The following ARHGAP29 variants were observed in gnomAD, a reference collection of about 807,000 sequenced individuals.
The protein encoded by ARHGAP29 is Rho GTPase activating protein 29, also known as rho GTPase-activating protein 29.
Under a neutral mutation model 122.6 loss-of-function variants are expected in ARHGAP29, and 43 were observed. That is an observed-to-expected ratio of 0.35 (90% CI 0.27 to 0.45). The LOEUF (loss-of-function observed/expected upper bound fraction) is 0.45, where lower values mean the gene tolerates loss of function less well. Among genes scored for constraint, ARHGAP29 ranks in the 20% least tolerant of loss-of-function variants. ARHGAP29 has a pLI of 1.00. For synonymous variants in ARHGAP29, 506 were observed against 497.1 expected (o/e 1.02, Z -0.24); for missense variants, 1,303 against 1,477.2 (o/e 0.88, Z 1.93).
the ARHGAP29 span, among the ~76,000 whole-genome samples, chr1:94,305,981 C>T: frequency 5.9e-5 from 9 of 152,210 alleles, no homozygotes; most frequent in African/African-American, 1.9e-4. Context: ...ACTGGAACAA[C>T]AACTCATTTA....
chr1:94,195,470 T>C (rs1027839131), intron 12 of ARHGAP29: 70 of 152,248 alleles, frequency 4.6e-4, no homozygotes, highest in African/African-American at 1.6e-3. Flanking sequence ...CACAGATGTG[T>C]GCAACCAATT....
chr1:94,261,661 C>T (rs187916805), intron 1 of ARHGAP29, among the ~76,000 whole-genome samples: 1 of 152,158 alleles, frequency 6.6e-6, no homozygotes, highest in Admixed American at 6.5e-5. Flanking sequence ...ACAATTGCCA[C>T]AAAAATAATA....
intron 1 of ARHGAP29, among the ~76,000 whole-genome samples, chr1:94,235,624 G>GA (rs1483600247): frequency 2.0e-5 from 3 of 152,198 alleles, no homozygotes; most frequent in Non-Finnish European, 4.4e-5. Flanking sequence ...GCTTCCAAGT[G>GA]AAATTTGAAC....
chr1:94,186,500 A>G lies in ARHGAP29; in HGVS notation c.1779T>C (p.Thr593=). 6.2e-7 allele frequency: 1 copy of G among 1,610,148 alleles called. No homozygotes were observed. Among genetic ancestry groups the G allele is most frequent in the Non-Finnish European group, 8.5e-7 (1 of 1,176,576 alleles). ...DEREPPSPSE[T]GPNSLGTFKK... ...ACTTAATTCAGGTAAATACAATACC[A>G]GTTTCTGAAGGGGAAGGTGGCTCTC... Residue 593 remains threonine (T), a splice_region_variant and synonymous_variant, in exon 16 of 23, where the codon ACT becomes ACC. Coordinates refer to ENST00000260526, the MANE Select transcript of ARHGAP29 (RefSeq NM_004815.4).
In ARHGAP29 at chr1:94,172,433, C is replaced by T. The variant is rs927203282; in HGVS notation, c.*1436G>A. The T allele has an allele frequency of 1.3e-5, 2 of 152,018 alleles. No individual in the cohort carries two copies. Among genetic ancestry groups the T allele is most frequent in the African/African-American group, 4.8e-5 (2 of 41,382 alleles). The allele number at this position is 152,018 out of a possible 1,614,324, so 9.4% of individuals were successfully genotyped here. ...AAGGGCTGGTTATTGCTCCCTAGAC[C>T]TTTACATCACATAGAACTATAAAAC... On this transcript the variant is annotated 3_prime_UTR_variant, in exon 23 of 23. Coordinates refer to ENST00000260526, the MANE Select transcript of ARHGAP29 (RefSeq NM_004815.4).
chr1:94,281,083 A>G, the ARHGAP29 span, among the ~76,000 whole-genome samples: 2 of 152,186 alleles, frequency 1.3e-5, no homozygotes. Context: ...GTGTTCTGTT[A>G]TGATTATTAG....
intron 12 of ARHGAP29, chr1:94,195,989 C>T (rs1466655103): frequency 6.6e-6 from 1 of 152,062 alleles, no homozygotes; most frequent in Admixed American, 6.6e-5. Flanking sequence ...CTTCAAAATA[C>T]ATAAAACAAA....
At chr1:94,263,804 C>G (rs1654652798) in intron 1 of ARHGAP29, among the ~76,000 whole-genome samples, 2 of 152,136 alleles carry the variant, frequency 1.3e-5, no homozygotes, top group African/African-American at 4.8e-5. Flanking sequence ...TTTGTTCTGT[C>G]ATTTTTCACT....
chr1:94,202,101 TA>T, intron 11 of ARHGAP29: 1 of 440,362 alleles, frequency 2.3e-6, no homozygotes, highest in Non-Finnish European at 3.9e-6. Context: ...AATAGCATTT[TA>T]TATTTATATT....
chr1:94,285,584 T>C, the ARHGAP29 span, among the ~76,000 whole-genome samples: 1 of 152,084 alleles, frequency 6.6e-6, no homozygotes, highest in African/African-American at 2.4e-5. Context: ...GGAGAGGGAA[T>C]GTACTGGTGT....
intron 1 of ARHGAP29, among the ~76,000 whole-genome samples, chr1:94,264,993 T>C (rs547070326): frequency 4.6e-5 from 7 of 152,294 alleles, no homozygotes; most frequent in Non-Finnish European, 1.0e-4. Flanking sequence ...GCCCGTATGT[T>C]ACAAGCCCAG....
chr1:94,288,254 T>C, the ARHGAP29 span, among the ~76,000 whole-genome samples: 1 of 152,258 alleles, frequency 6.6e-6, no homozygotes, highest in Non-Finnish European at 1.5e-5. Flanking sequence ...CCAGTGATGA[T>C]GAGCATTTTT....
chr1:94,195,097 T>C (rs1650371074), intron 12 of ARHGAP29: 1 of 152,250 alleles, frequency 6.6e-6, no homozygotes, highest in South Asian at 2.1e-4. Flanking sequence ...AACTGGAAGC[T>C]GGCCAGGAGT....
upstream of ARHGAP29, among the ~76,000 whole-genome samples, chr1:94,276,241 G>T (rs886203537): frequency 6.6e-6 from 1 of 151,344 alleles, no homozygotes; most frequent in African/African-American, 2.4e-5. Flanking sequence ...CTGAGTGACC[G>T]AGCGAGACTC....
At chr1:94,190,902 C>T (rs902088002) in intron 12 of ARHGAP29, 3 of 152,044 alleles carry the variant, frequency 2.0e-5, no homozygotes, top group Non-Finnish European at 4.4e-5. Flanking sequence ...TGCAGTATGA[C>T]CAGGTACGTG....
intron 12 of ARHGAP29, chr1:94,195,578 A>T (rs965904745): frequency 6.6e-6 from 1 of 152,210 alleles, no homozygotes; most frequent in African/African-American, 2.4e-5. Flanking sequence ...AGACGGCAGC[A>T]AAAGGGAAAT....
At chr1:94,251,931 G>T (rs190284003) in intron 1 of ARHGAP29, among the ~76,000 whole-genome samples, 2 of 152,054 alleles carry the variant, frequency 1.3e-5, no homozygotes, top group African/African-American at 4.8e-5. Context: ...TACTAGTATG[G>T]GTATGTTAAG....
chr1:94,287,649 C>G, the ARHGAP29 span, among the ~76,000 whole-genome samples: 21 of 152,122 alleles, frequency 1.4e-4, no homozygotes, highest in African/African-American at 4.6e-4. Flanking sequence ...GCTATCCCCC[C>G]CAGCTCCCCA....
At chr1:94,189,862 A>G (rs1292258908) in intron 13 of ARHGAP29, 64 bp downstream of exon 13, 1 of 1,526,078 alleles carries the variant, frequency 6.6e-7, no homozygotes, top group African/African-American at 1.4e-5. Context: ...CTTGTACTAG[A>G]TAGAAACTTA....
Sources: allele counts gnomAD v4.1 joint callset (sites outside exome capture counted in the v4.1 genomes callset), GRCh38; gene constraint gnomAD v4.1.1; transcripts MANE v1.5; gene names NCBI Gene and HGNC (gene_info 2026-07-23, HGNC 2026-07-21).